ITPKB: variants seen among roughly 807,000 people sequenced by gnomAD.
ITPKB encodes IP3 3-kinase B.
In ITPKB, 13 loss-of-function variants were observed where a neutral mutation model predicts 69.4. That is an observed-to-expected ratio of 0.19 (90% CI 0.12 to 0.30). The LOEUF is 0.30. ITPKB is among the 10% of genes least tolerant of loss of function. ITPKB has a pLI of 1.00. For synonymous variants in ITPKB, 584 were observed against 513.7 expected (o/e 1.14, Z -1.85); for missense variants, 1,240 against 1,250.5 (o/e 0.99, Z 0.13).
chr1:226,716,536 G>C (rs1657101156), intron 2 of ITPKB, among the ~76,000 whole-genome samples: 2 of 152,294 alleles, frequency 1.3e-5, no homozygotes, highest in Admixed American at 1.3e-4. Flanking sequence ...AGTCCCACAT[G>C]CATTAGCTAT....
At chr1:226,731,043 A>G (rs1443227914) in intron 2 of ITPKB, among the ~76,000 whole-genome samples, 1 of 152,240 alleles carries the variant, frequency 6.6e-6, no homozygotes, top group African/African-American at 2.4e-5. Context: ...AACGCTTAGA[A>G]TCAATCTCTC....
rs530409368 is a variant in ITPKB, at chr1:226,633,018, G to C, written c.*1653C>G. 3.3e-5 allele frequency: 5 copies of C among 152,148 alleles called. No homozygotes were observed. Among genetic ancestry groups the C allele is most frequent in the African/African-American group, 7.2e-5 (3 of 41,416 alleles). The allele number at this position is 152,148 out of a possible 1,614,324, so 9.4% of individuals were successfully genotyped here. ...GCCACGAGGTCTCTCGTGCTCCACC[G>C]GGCGCGTGTGTGACCTTTAGCAAGT... On this transcript the variant is annotated 3_prime_UTR_variant, in exon 8 of 8. Coordinates refer to ENST00000429204, the MANE Select transcript of ITPKB (RefSeq NM_002221.4).
At chr1:226,672,834 T>A (rs949426679) in intron 2 of ITPKB, among the ~76,000 whole-genome samples, 4 of 152,190 alleles carry the variant, frequency 2.6e-5, no homozygotes, top group Admixed American at 2.6e-4. Flanking sequence ...AATGTAGCCA[T>A]CTCACTATTT....
chr1:226,732,545 G>GA (rs754944404), intron 2 of ITPKB, among the ~76,000 whole-genome samples: 63 of 135,768 alleles, frequency 4.6e-4, no homozygotes, highest in Non-Finnish European at 8.9e-4. Flanking sequence ...GCGTTCTTTT[G>GA]TTTTTTTTTT....
intron 2 of ITPKB, among the ~76,000 whole-genome samples, chr1:226,714,868 CAG>C (rs1024874664): frequency 6.6e-6 from 1 of 152,228 alleles, no homozygotes; most frequent in African/African-American, 2.4e-5. Context: ...GCTTTTCAAT[CAG>C]GGGCGATTCT....
Position 226,737,431 on chromosome 1 carries a change from T to C in ITPKB, c.28A>G (p.Ser10Gly), listed in dbSNP as rs750217174. MAVYCYALN[S>G]LVIMNSANEM... ...TTGGCGCTATTCATGATCACCAGGC[T>C]ATTGAGCGCATAGCAGTACACAGCC... The change falls in exon 2 of 8, where the codon AGC becomes GGC. Residue 10 changes from serine (S) to glycine (G), a missense_variant. Ser to Gly is a moderately conservative substitution (Grantham distance 56, BLOSUM62 0). Coordinates refer to ENST00000429204, the MANE Select transcript of ITPKB (RefSeq NM_002221.4). 7 of 1,611,148 alleles carry C rather than the reference T, an allele frequency of 4.3e-6. No homozygotes were observed. The highest frequency in any genetic ancestry group is 1.3e-5 in the African/African-American group (1 of 74,852).
At chr1:226,717,306 A>G (rs2102641158) in intron 2 of ITPKB, among the ~76,000 whole-genome samples, 1 of 152,288 alleles carries the variant, frequency 6.6e-6, no homozygotes, top group South Asian at 2.1e-4. Context: ...TTAAAGAGAA[A>G]ATTCCTTCCA....
intron 2 of ITPKB, among the ~76,000 whole-genome samples, chr1:226,671,004 A>T (rs1340642097): frequency 6.6e-6 from 1 of 152,228 alleles, no homozygotes; most frequent in Non-Finnish European, 1.5e-5. Context: ...ACCATATCTT[A>T]CACCTTCAGT....
chr1:226,652,595 T>C (rs1213005401), intron 2 of ITPKB, among the ~76,000 whole-genome samples: 1 of 152,204 alleles, frequency 6.6e-6, no homozygotes, highest in African/African-American at 2.4e-5. Flanking sequence ...GTCCCAGGTC[T>C]CCAGCCTCTC....
chr1:226,736,713 T>C lies in ITPKB; in HGVS notation c.746A>G (p.Gln249Arg). Residue 249 changes from glutamine (Q) to arginine (R), a missense_variant, in exon 2 of 8, where the codon CAG (glutamine) becomes CGG (arginine). Gln to Arg is a conservative substitution (Grantham distance 43). Coordinates refer to ENST00000429204, the MANE Select transcript of ITPKB (RefSeq NM_002221.4). Reference sequence around the variant, plus strand: ...CATCCTTACAAAAGCGGATGGACCCTGAGCCTCTGATCCTGTAGGGGCAGC... The same window carrying C: ...CATCCTTACAAAAGCGGATGGACCCCGAGCCTCTGATCCTGTAGGGGCAGC... ...GRAAPTGSEA[Q>R]GPSAFVRMEK... is the part of the protein sequence containing the mutation. 1 of 1,612,792 alleles carries C rather than the reference T, an allele frequency of 6.2e-7. No homozygotes were observed. Among genetic ancestry groups the C allele is most frequent in the Non-Finnish European group, 8.5e-7 (1 of 1,179,718 alleles).
intron 2 of ITPKB, among the ~76,000 whole-genome samples, chr1:226,652,049 T>G (rs1669205384): frequency 6.6e-6 from 1 of 152,222 alleles, no homozygotes; most frequent in African/African-American, 2.4e-5. Flanking sequence ...CTTTTCTCTC[T>G]GCCAGCAGCA....
rs188735968 is a variant in ITPKB, at chr1:226,670,585, T to C, written c.1933-21814A>G. 3.3e-5 allele frequency among the ~76,000 whole-genome samples: 5 copies of C among 152,340 alleles called. No individual in the cohort carries two copies. In the East Asian group the frequency reaches 9.6e-4, roughly 29 times the overall value. ...GAAAGAAACGTGGAAAATGTTGCTA[T>C]AAGATTAAGGGGCAGGGAGCAGAAT... On this transcript the variant is annotated intron_variant, in intron 2 of 7. Coordinates refer to ENST00000429204, the MANE Select transcript of ITPKB (RefSeq NM_002221.4).
chr1:226,688,345 C>T (rs2102778854), intron 2 of ITPKB, among the ~76,000 whole-genome samples: 1 of 152,228 alleles, frequency 6.6e-6, no homozygotes, highest in African/African-American at 2.4e-5. Flanking sequence ...CAGAGCTGTT[C>T]CGGGAAACTC....
At chr1:226,708,302 C>A (rs1656860883) in intron 2 of ITPKB, among the ~76,000 whole-genome samples, 1 of 151,894 alleles carries the variant, frequency 6.6e-6, no homozygotes, top group South Asian at 2.1e-4. Context: ...TGTTAAAAAC[C>A]AAAAAGAACA....
Position 226,634,412 on chromosome 1 carries a change from C to T in ITPKB, c.*259G>A. On this transcript the variant is annotated 3_prime_UTR_variant, in exon 8 of 8. Coordinates refer to ENST00000429204, the MANE Select transcript of ITPKB (RefSeq NM_002221.4). The surrounding 1 kb of genome is among the most constrained non-coding windows in gnomAD (Gnocchi z 6.3). ...CAGCAGCCAGGGACCCCCTCCAGCT[C>T]TACACCTGACCCACCTCTAAGACTG... is the stretch of plus-strand genomic sequence containing the variant. The T allele has an allele frequency of 2.0e-6, 1 of 488,126 alleles. No homozygotes were observed. Among genetic ancestry groups the T allele is most frequent in the Non-Finnish European group, 3.7e-6 (1 of 269,882 alleles). The allele number at this position is 488,126 out of a possible 1,614,324, so 30.2% of individuals were successfully genotyped here.
chr1:226,721,629 G>A (rs1657246347), intron 2 of ITPKB, among the ~76,000 whole-genome samples: 1 of 151,518 alleles, frequency 6.6e-6, no homozygotes, highest in Admixed American at 6.6e-5. Flanking sequence ...CCAAGTAGCT[G>A]GGATTACAGG....
intron 2 of ITPKB, among the ~76,000 whole-genome samples, chr1:226,684,270 A>G (rs1401610150): frequency 1.3e-5 from 2 of 152,270 alleles, no homozygotes; most frequent in East Asian, 3.9e-4. Context: ...TCAAAGTAGG[A>G]GAAGCACTTG....
At chr1:226,639,071 T>TTTTC (rs768529645) in intron 6 of ITPKB, among the ~76,000 whole-genome samples, 67 of 148,838 alleles carry the variant, frequency 4.5e-4, no homozygotes, top group Admixed American at 1.5e-3. Context: ...TTTTTTTTTT[T>TTTTC]TCCCAGACAG....
At position 226,696,353 on chromosome 1, in the gene ITPKB, C is replaced by T. The variant is rs952495026; in HGVS notation, c.1932+39174G>A. On this transcript the variant is annotated intron_variant, in intron 2 of 7. Transcript: ENST00000429204. ...TGTGTGTGTGTGTATATGTATCTCT[C>T]TCTCAACACAGATGCTTGGCCCATA... Among the ~76,000 whole-genome samples the T allele has an allele frequency of 2.0e-5, 3 of 152,028 alleles. No homozygotes were observed. In the South Asian group the frequency reaches 6.2e-4, roughly 32 times the overall value.
Sources: allele counts gnomAD v4.1 joint callset (sites outside exome capture counted in the v4.1 genomes callset), GRCh38; gene constraint gnomAD v4.1.1; non-coding constraint Gnocchi (gnomAD v3.1); transcripts MANE v1.5; gene names NCBI Gene and HGNC (gene_info 2026-07-23, HGNC 2026-07-21).